The following NOTCH1 variants were observed in gnomAD, a reference collection of about 807,000 sequenced individuals.
NOTCH1 encodes the protein notch receptor 1.
Under a neutral mutation model 254.8 loss-of-function variants are expected in NOTCH1, and 37 were observed. The ratio of observed to expected loss-of-function variants is 0.15; its 90% CI spans 0.11 to 0.19. The LOEUF (loss-of-function observed/expected upper bound fraction) is 0.19. NOTCH1 is among the 10% of genes least tolerant of loss of function. The pLI is 1.00. For missense variants in NOTCH1, 2,972 were observed against 3,708.6 expected, an observed-to-expected ratio of 0.80 and a Z score of 5.16; for synonymous variants, 1,731 against 1,618.1, an observed-to-expected ratio of 1.07 and a Z score of -1.68.
At chr9:136,507,612 C>A (rs74447757) in intron 21 of NOTCH1, among the ~76,000 whole-genome samples, 175 bp from the exon 22 acceptor site, 2 of 152,174 alleles carry the variant, frequency 1.3e-5, no homozygotes, top group Non-Finnish European at 2.9e-5. Flanking sequence ...CAGACCCTGG[C>A]GGGGCCTCGG....
rs1589051869 is a variant in NOTCH1 at position 136,495,181 on chromosome 9, T to C, written c.*890A>G. 2 of 399,034 alleles carry C rather than the reference T, an allele frequency of 5.0e-6. No homozygotes were observed. Among genetic ancestry groups the C allele is most frequent in the Non-Finnish European group, 8.8e-6 (2 of 226,086 alleles). 24.7% of individuals were successfully genotyped at this position (399,034 alleles called of 1,614,324 possible). A position where few individuals can be genotyped will look rare whatever the true frequency, so the allele number is the denominator to read the frequency against. ...GGCAGTGTCTTTCCCCAGAAAAGGG[T>C]AGGATGCCTCCGTGTGTGACCCAGG... On this transcript the variant is annotated 3_prime_UTR_variant, in exon 34 of 34. Coordinates refer to ENST00000651671, the MANE Select transcript of NOTCH1 (RefSeq NM_017617.5).
At chr9:136,534,862 GCC>G (rs1371672408) in intron 2 of NOTCH1, among the ~76,000 whole-genome samples, 2 of 21,288 alleles carry the variant, frequency 9.4e-5, no homozygotes, top group Non-Finnish European at 1.9e-4. Flanking sequence ...TCCCCACAGA[GCC>G]CCCAGTCCCT....
intron 2 of NOTCH1, among the ~76,000 whole-genome samples, chr9:136,526,662 C>G (rs1445031944): frequency 6.6e-6 from 1 of 152,232 alleles, no homozygotes; most frequent in South Asian, 2.1e-4. Flanking sequence ...CGACACTCTG[C>G]CCGGACACCG....
rs2133361257 is a variant in NOTCH1 at position 136,514,686 on chromosome 9, G to A, written c.2031C>T (p.Ile677=). The change falls in exon 13 of 34, where the codon ATC becomes ATT. Residue 677 remains isoleucine (I), a synonymous_variant. Transcript: ENST00000651671. ...EPGYTGSMCN[I]NIDECAGNPC... is the part of the protein sequence containing the mutation. ...GGTTGCCCGCACACTCATCGATGTT[G>A]ATGTTACACATGCTCCCTAAGGGCA... The A allele has an allele frequency of 6.2e-7, 1 of 1,612,510 alleles. No homozygotes were observed. The highest frequency in any genetic ancestry group is 8.5e-7 in the Non-Finnish European group (1 of 1,179,886).
chr9:136,523,325 C>A (rs930666340), intron 3 of NOTCH1, 137 bp from the exon 4 acceptor site: 6 of 931,564 alleles, frequency 6.4e-6, no homozygotes, highest in Non-Finnish European at 8.4e-6. Context: ...CAGGACCTGC[C>A]GTGAGACCGG....
chr9:136,531,647 C>T (rs1279069104), intron 2 of NOTCH1, among the ~76,000 whole-genome samples: 3 of 152,338 alleles, frequency 2.0e-5, no homozygotes, highest in Non-Finnish European at 4.4e-5. Flanking sequence ...GGCACCGATG[C>T]CCCTTCACCC....
At position 136,515,370 on chromosome 9, in the gene NOTCH1, C is replaced by T. The variant is rs2133362733; in HGVS notation, c.1934G>A (p.Cys645Tyr). 5 of 1,613,032 alleles carry T rather than the reference C, an allele frequency of 3.1e-6. No individual in the cohort carries two copies. Among genetic ancestry groups the T allele is most frequent in the Non-Finnish European group, 4.2e-6 (5 of 1,179,992 alleles). ...GPNCEINLDD[C>Y]ASSPCDSGTC... ...GCCCGAGTCGCAGGGGCTGCTGGCA[C>T]AGTCATCCAGGTTGATCTCGCAGTT... The change falls in exon 12 of 34, where the codon TGT becomes TAT. Residue 645 changes from cysteine (C) to tyrosine (Y), a missense_variant. Cys to Tyr is a radical substitution (Grantham distance 194, BLOSUM62 -2). Around this residue, in one of 8 missense-constraint regions of NOTCH1, gnomAD observed 1,343 missense variants for 1,557.0 expected, o/e 0.86. Transcript: ENST00000651671.
In NOTCH1 at chr9:136,508,918, G is replaced by A. The variant is rs2133348714; in HGVS notation, c.3123C>T (p.Gly1041=). The part of the protein sequence containing the change: ...LHGGTCQDGC[G]SYRCTCPQGY... ...CCTGGGGGCAGGTGCACCTGTAGGA[G>A]CCGCAGCCGTCCTGACAGGTGCCGC... The change falls in exon 19 of 34, where the codon GGC becomes GGT. Residue 1041 remains glycine (G), a synonymous_variant. Coordinates refer to ENST00000651671, the MANE Select transcript of NOTCH1 (RefSeq NM_017617.5). 2 of 1,548,988 alleles carry A rather than the reference G, an allele frequency of 1.3e-6. No individual in the cohort carries two copies. Among genetic ancestry groups the A allele is most frequent in the South Asian group, 1.2e-5 (1 of 84,004 alleles).
chr9:136,502,109 A>G, intron 28 of NOTCH1, 21 bp from the exon 29 acceptor site: 1 of 1,612,228 alleles, frequency 6.2e-7, no homozygotes, highest in South Asian at 1.1e-5. Flanking sequence ...AGGGGTCGAG[A>G]AGTGAGGCTG....
intron 17 of NOTCH1, 38 bp downstream of exon 17, chr9:136,510,615 A>T (rs1050996480): frequency 6.3e-7 from 1 of 1,589,866 alleles, no homozygotes; most frequent in Non-Finnish European, 8.5e-7. Context: ...GAGGCCTGAG[A>T]GCTTCCTGGA....
intron 17 of NOTCH1, 172 bp downstream of exon 17, chr9:136,510,481 C>G: frequency 2.3e-6 from 2 of 870,896 alleles, no homozygotes; most frequent in Non-Finnish European, 3.6e-6. Flanking sequence ...TGGGGCCCTC[C>G]TGAACCACCC....
rs970348503 is a variant in NOTCH1, at chr9:136,496,052, G to T, written c.*19C>A. 1.9e-6 allele frequency: 3 copies of T among 1,589,488 alleles called. No individual in the cohort carries two copies. Among genetic ancestry groups the T allele is most frequent in the African/African-American group, 2.7e-5 (2 of 74,878 alleles). ...CGAAGGCTTGGGAAAGGAAGCCGGG[G>T]TCTCGTGGGGCGCGCCGTTTACTTG... On this transcript the variant is annotated 3_prime_UTR_variant, in exon 34 of 34. Transcript: ENST00000651671.
intron 17 of NOTCH1, among the ~76,000 whole-genome samples, chr9:136,510,171 C>T (rs1165513942): frequency 6.6e-6 from 1 of 152,236 alleles, no homozygotes; most frequent in Non-Finnish European, 1.5e-5. Flanking sequence ...TCTCTCCCCA[C>T]CTGCTCCTGT....
Position 136,523,757 on chromosome 9 carries a change from C to A in NOTCH1, c.363G>T (p.Thr121=), listed in dbSNP as rs777400734. The part of the protein sequence containing the change: ...CRNGGTCDLL[T]LTEYKCRCPP... The stretch of plus-strand genomic sequence containing the variant: ...GGCAGCGGCACTTGTACTCCGTCAG[C>A]GTGAGCAGGTCGCAGGTGCCCCCGT... Residue 121 remains threonine, a synonymous_variant, in exon 3 of 34, where the codon ACG becomes ACT. Transcript: ENST00000651671. 1 of 1,611,088 alleles carries A rather than the reference C, an allele frequency of 6.2e-7. No individual in the cohort carries two copies. Among genetic ancestry groups the A allele is most frequent in the Non-Finnish European group, 8.5e-7 (1 of 1,179,512 alleles).
intron 2 of NOTCH1, among the ~76,000 whole-genome samples, chr9:136,528,317 C>A (rs1843501169): frequency 8.5e-6 from 1 of 117,898 alleles, no homozygotes; most frequent in Non-Finnish European, 1.8e-5. Context: ...GAACCAGAGA[C>A]CCTGGGTGGG....
At chr9:136,530,261 C>A (rs960848217) in intron 2 of NOTCH1, among the ~76,000 whole-genome samples, 3 of 152,252 alleles carry the variant, frequency 2.0e-5, no homozygotes, top group African/African-American at 7.2e-5. Flanking sequence ...ATCTTTTCCC[C>A]CAGTTGCATC....
rs1843215130 is a variant in NOTCH1 at position 136,513,466 on chromosome 9, T to A, written c.2279A>T (p.Asn760Ile). 6.2e-7 allele frequency: 1 copy of A among 1,613,116 alleles called. No homozygotes were observed. Residue 760 changes from asparagine (N) to isoleucine (I), a missense_variant, in exon 14 of 34, where the codon AAC becomes ATC. This residue lies in a region of NOTCH1 where 1,343 missense variants were observed against 1,557.0 expected (regional missense o/e 0.86). Transcript: ENST00000651671. This position sits in a 1 kb window ranked among gnomAD's most constrained non-coding sequence, Gnocchi z 4.7. ...GCAGGTGCCGCCGTTGACACAAGGG[T>A]TGGATTCACACTCATTGTTGTTGAT... ...CDINNNECES[N>I]PCVNGGTCKD...
intron 3 of NOTCH1, among the ~76,000 whole-genome samples, chr9:136,523,489 C>G (rs925841665): frequency 6.6e-6 from 1 of 152,174 alleles, no homozygotes; most frequent in Non-Finnish European, 1.5e-5. Context: ...GACACAGAGG[C>G]TCCCCTTGTC....
Position 136,507,447 on chromosome 9 carries a change from C to G in NOTCH1, c.3511-10G>C. ...GGTAGCCGGCCACGCACTGTGCAGG[C>G]GACAGAACGAGGGGCCCTTCGGCTC... is the stretch of plus-strand genomic sequence containing the variant. On this transcript the variant is annotated splice_polypyrimidine_tract_variant and intron_variant, in intron 21 of 33. Coordinates refer to ENST00000651671, the MANE Select transcript of NOTCH1 (RefSeq NM_017617.5). 4 of 1,597,340 alleles carry G rather than the reference C, an allele frequency of 2.5e-6. No homozygotes were observed. In the South Asian group the frequency reaches 4.5e-5, roughly 18 times the overall value.
Sources: gnomAD v4.1 joint callset for allele counts (sites outside exome capture counted in the v4.1 genomes callset) on GRCh38, gnomAD v4.1.1 for gene constraint, gnomAD v4.1.1 regional missense constraint, Gnocchi (gnomAD v3.1) non-coding constraint, MANE v1.5 for transcripts, NCBI Gene and HGNC (gene_info 2026-07-23, HGNC 2026-07-21) for gene names.